Variants in DAB1 observed in about 807,000 individuals in gnomAD.
DAB1 encodes DAB adaptor protein 1.
A neutral mutation model predicts 64.6 loss-of-function variants in DAB1; 15 were observed. The observed-to-expected ratio is 0.23, with a 90% CI of 0.16 to 0.36. The LOEUF is 0.36. Ranked by LOEUF, DAB1 falls within the 10% of genes least tolerant of loss-of-function variation. The probability of loss-of-function intolerance (pLI) is 1.00; values close to 1 mark genes in which losing one functional copy is unlikely to be tolerated. For missense variants in DAB1, 596 were observed against 706.7 expected (o/e 0.84, Z 1.78); for synonymous variants, 235 against 251.9 (o/e 0.93, Z 0.64).
chr1:58,286,091 G>A (rs1661673555), intron 4 of DAB1, among the ~76,000 whole-genome samples: 1 of 104,482 alleles, frequency 9.6e-6, no homozygotes. Context: ...AATAAATGGT[G>A]CTGGGAAAAC....
rs150945416 is a variant in DAB1, at chr1:58,181,590, C to A, written n.310-31002G>T. 6.5e-3 allele frequency among the ~76,000 whole-genome samples: 991 copies of A among 152,068 alleles called. 9 individuals carry two copies. The highest frequency in any genetic ancestry group is 0.023 in the African/African-American group (961 of 41,518). On this transcript the variant is annotated intron_variant and non_coding_transcript_variant, in intron 4 of 20. Coordinates refer to the DAB1 transcript ENST00000485760. ...TAACTCCTTGTTGGATTTATTTATA[C>A]ATTTTGAGTTGTTTTCTTAATAAAT...
chr1:57,552,171 C>T (rs2101477801), intron 7 of DAB1, among the ~76,000 whole-genome samples: 1 of 152,232 alleles, frequency 6.6e-6, no homozygotes, highest in Middle Eastern at 3.4e-3. Context: ...TTGGGACACT[C>T]CAAAAGTAGG....
At chr1:57,405,153 A>T (rs890980232) in intron 1 of DAB1, among the ~76,000 whole-genome samples, 2 of 152,202 alleles carry the variant, frequency 1.3e-5, no homozygotes, top group Non-Finnish European at 2.9e-5. Flanking sequence ...AAGCTGAATT[A>T]AGGCAGCTAT....
At chr1:57,217,977 C>T (rs1666552922) in intron 2 of DAB1, among the ~76,000 whole-genome samples, 1 of 152,122 alleles carries the variant, frequency 6.6e-6, no homozygotes, top group African/African-American at 2.4e-5. Flanking sequence ...GAAAAAAACA[C>T]AAACAGTAAT....
In DAB1 at chr1:57,412,018, C is replaced by T. The variant is rs544141209; in HGVS notation, c.-137+11912G>A. 5.3e-5 allele frequency among the ~76,000 whole-genome samples: 8 copies of T among 152,278 alleles called. 1 individual carries two copies. In the South Asian group the frequency reaches 1.7e-3, roughly 32 times the overall value. On this transcript the variant is annotated intron_variant, in intron 1 of 14. Transcript: ENST00000371236. ...CAGGTGCTCACTTTGTGTCTCTGTCCTACTTTGGTAATTCTCACAATGCTT... is the reference window on the plus strand; with the variant it reads ...CAGGTGCTCACTTTGTGTCTCTGTCTTACTTTGGTAATTCTCACAATGCTT...
At chr1:58,519,126 T>C (rs1646220155) in intron 2 of DAB1, among the ~76,000 whole-genome samples, 1 of 152,120 alleles carries the variant, frequency 6.6e-6, no homozygotes, top group East Asian at 1.9e-4. Flanking sequence ...GAAAGAAAGG[T>C]TGAGGTATAA....
intron 10 of DAB1, among the ~76,000 whole-genome samples, chr1:57,024,088 A>C (rs531792154): frequency 1.3e-5 from 2 of 152,262 alleles, no homozygotes; most frequent in African/African-American, 4.8e-5. Context: ...GTTGCAATTT[A>C]ATACACGGTC....
Position 57,535,299 on chromosome 1 carries a change from A to G in DAB1, n.625+114293T>C, listed in dbSNP as rs561998682. The stretch of plus-strand genomic sequence containing the variant: ...CACAGCTGTATTCCCAGTGCCTAGC[A>G]TTGTATCTAGGACATAACAAGTGAA... On this transcript the variant is annotated intron_variant and non_coding_transcript_variant, in intron 7 of 20. Transcript: ENST00000485760. Among the ~76,000 whole-genome samples, 4 of 152,290 alleles carry G rather than the reference A, an allele frequency of 2.6e-5. No homozygotes were observed. In the East Asian group the frequency reaches 7.7e-4, roughly 29 times the overall value.
intron 1 of DAB1, among the ~76,000 whole-genome samples, chr1:57,350,439 T>G (rs1678489905): frequency 6.6e-6 from 1 of 152,144 alleles, no homozygotes; most frequent in Admixed American, 6.5e-5. Flanking sequence ...AACCATATGC[T>G]AATGCTTGCA....
chr1:58,182,417 T>C (rs966123594), intron 4 of DAB1, among the ~76,000 whole-genome samples: 1 of 151,910 alleles, frequency 6.6e-6, no homozygotes, highest in Non-Finnish European at 1.5e-5. Flanking sequence ...GAGACTCCCA[T>C]GAAACATATG....
chr1:58,330,395 G>A (rs1173886737), intron 4 of DAB1, among the ~76,000 whole-genome samples: 2 of 152,220 alleles, frequency 1.3e-5, no homozygotes, highest in Admixed American at 6.5e-5. Context: ...GTGCAAGGTG[G>A]AGCAGCAAGT....
chr1:57,436,629 C>T (rs1042487740), intron 7 of DAB1, among the ~76,000 whole-genome samples: 2 of 152,160 alleles, frequency 1.3e-5, no homozygotes, highest in Non-Finnish European at 2.9e-5. Context: ...AACAAGTACC[C>T]TTTAAATTCC....
At chr1:57,867,600 T>C (rs919130461) in intron 1 of DAB1, 1 of 152,126 alleles carries the variant, frequency 6.6e-6, no homozygotes, top group East Asian at 1.9e-4. Flanking sequence ...TCATCTACAA[T>C]TTTCTGAGTG....
At chr1:58,260,800 C>T (rs937397556) in intron 4 of DAB1, among the ~76,000 whole-genome samples, 3 of 152,094 alleles carry the variant, frequency 2.0e-5, no homozygotes, top group African/African-American at 7.2e-5. Flanking sequence ...TTAAGATTTC[C>T]GTGGGACTCA....
intron 4 of DAB1, among the ~76,000 whole-genome samples, chr1:58,294,492 A>C (rs1661923126): frequency 6.6e-6 from 1 of 152,166 alleles, no homozygotes; most frequent in Non-Finnish European, 1.5e-5. Flanking sequence ...TTGAGCACCT[A>C]CTATTTGCCA....
At chr1:58,088,112 G>T (rs1009762136) in intron 5 of DAB1, among the ~76,000 whole-genome samples, 1 of 152,180 alleles carries the variant, frequency 6.6e-6, no homozygotes, top group Non-Finnish European at 1.5e-5. Context: ...GAGAGGGCTG[G>T]GTTCTGCCCA....
At chr1:57,523,129 A>G (rs7526064) in intron 7 of DAB1, among the ~76,000 whole-genome samples, 61,827 of 152,010 alleles carry the variant, frequency 0.41, 14,500 homozygotes, top group Non-Finnish European at 0.53. Flanking sequence ...TTTCATATAT[A>G]TATCTATTCT....
At chr1:58,525,470 CTATT>C (rs35058770) in intron 2 of DAB1, among the ~76,000 whole-genome samples, 67 of 152,120 alleles carry the variant, frequency 4.4e-4, no homozygotes, top group African/African-American at 1.5e-3. Flanking sequence ...AAAAATGACA[CTATT>C]TATCATGACA....
chr1:57,769,912 C>T (rs1649483719), intron 6 of DAB1, among the ~76,000 whole-genome samples: 1 of 152,022 alleles, frequency 6.6e-6, no homozygotes, highest in Non-Finnish European at 1.5e-5. Flanking sequence ...CTGTGATAGC[C>T]CTTCCTCCTG....
Sources: gnomAD v4.1 joint callset for allele counts (sites outside exome capture counted in the v4.1 genomes callset) on GRCh38, gnomAD v4.1.1 for gene constraint, MANE v1.5 for transcripts, NCBI Gene and HGNC (gene_info 2026-07-23, HGNC 2026-07-21) for gene names.